KCNIP1: variants seen among roughly 807,000 people sequenced by gnomAD.
KCNIP1 encodes potassium voltage-gated channel interacting protein 1, also known as A-type potassium channel modulatory protein KCNIP1.
A neutral mutation model predicts 33.0 loss-of-function variants in KCNIP1; 18 were observed. The observed-to-expected ratio is 0.55, with a 90% CI of 0.38 to 0.81. KCNIP1 has a LOEUF of 0.81. KCNIP1 is among the 30% of genes least tolerant of loss of function. The pLI is 0.00. For synonymous variants in KCNIP1, 93 were observed against 98.3 expected, an observed-to-expected ratio of 0.95 and a Z score of 0.32; for missense variants, 238 against 271.6, an observed-to-expected ratio of 0.88 and a Z score of 0.87.
chr5:170,471,239 G>T (rs527814939), intron 1 of KCNIP1, among the ~76,000 whole-genome samples: 206 of 152,280 alleles, frequency 1.4e-3, no homozygotes, highest in Admixed American at 4.2e-3. Flanking sequence ...GGGTGCTCTA[G>T]AATCTGTATG....
At chr5:170,397,857 G>GTTCA (rs1205566189) in intron 1 of KCNIP1, among the ~76,000 whole-genome samples, 1 of 152,206 alleles carries the variant, frequency 6.6e-6, no homozygotes, top group Non-Finnish European at 1.5e-5. Flanking sequence ...AGATGGCTTG[G>GTTCA]TTCAGTCCAG....
chr5:170,620,178 TAG>T (rs1759548568), intron 1 of KCNIP1, among the ~76,000 whole-genome samples: 1 of 152,186 alleles, frequency 6.6e-6, no homozygotes, highest in African/African-American at 2.4e-5. Context: ...CCCTTGTCCC[TAG>T]AGAGCCTTGT....
Position 170,523,654 on chromosome 5 carries a change from G to A in KCNIP1, c.61+19021G>A, listed in dbSNP as rs531772161. 2.0e-5 allele frequency among the ~76,000 whole-genome samples: 3 copies of A among 152,172 alleles called. No homozygotes were observed. The East Asian group carries it at 5.8e-4, about 29-fold the overall frequency. ...ACCTAATCCCTCTTCTTTACTCCCT[G>A]CACGTGTCACCTCCCTGGGACAATC... On this transcript the variant is annotated intron_variant, in intron 1 of 7. Transcript: ENST00000328939.
At chr5:170,406,833 A>G (rs1439487403) in intron 1 of KCNIP1, among the ~76,000 whole-genome samples, 1 of 152,198 alleles carries the variant, frequency 6.6e-6, no homozygotes, top group Non-Finnish European at 1.5e-5. Flanking sequence ...GTCCAAGGCC[A>G]GGCAGGAGGC....
At chr5:170,707,045 G>A (rs1215118224) in intron 1 of KCNIP1, among the ~76,000 whole-genome samples, 1 of 151,890 alleles carries the variant, frequency 6.6e-6, no homozygotes, top group Non-Finnish European at 1.5e-5. Flanking sequence ...ACCTGAATTA[G>A]ATGAGAAAGA....
intron 1 of KCNIP1, among the ~76,000 whole-genome samples, chr5:170,553,942 G>A (rs1756749170): frequency 6.6e-6 from 1 of 152,192 alleles, no homozygotes; most frequent in East Asian, 1.9e-4. Flanking sequence ...CATACAGGTG[G>A]ACAAGGCAGA....
intron 1 of KCNIP1, chr5:170,378,604 G>A: frequency 8.2e-7 from 1 of 1,224,098 alleles, no homozygotes; most frequent in South Asian, 1.5e-5. Flanking sequence ...AAGAGTGGGA[G>A]GGCAGGTGGA....
At chr5:170,547,219 G>A (rs190098817) in intron 1 of KCNIP1, among the ~76,000 whole-genome samples, 1 of 152,162 alleles carries the variant, frequency 6.6e-6, no homozygotes. Context: ...TCATCTTCTG[G>A]AATTGTTCTT....
intron 1 of KCNIP1, among the ~76,000 whole-genome samples, chr5:170,450,117 C>T (rs1041962838): frequency 2.0e-5 from 3 of 148,194 alleles, no homozygotes; most frequent in African/African-American, 7.5e-5. Flanking sequence ...GCCCGACCCC[C>T]CACCCCACCC....
At chr5:170,722,393 T>C (rs1205092307) in intron 4 of KCNIP1, among the ~76,000 whole-genome samples, 1 of 152,074 alleles carries the variant, frequency 6.6e-6, no homozygotes, top group Admixed American at 6.6e-5. Context: ...CCTCAGCCAC[T>C]AGACCATACG....
chr5:170,575,268 T>G (rs1430412988), intron 1 of KCNIP1, among the ~76,000 whole-genome samples: 1 of 152,254 alleles, frequency 6.6e-6, no homozygotes, highest in Non-Finnish European at 1.5e-5. Context: ...ATTTTATACC[T>G]AAGTTTTATG....
At chr5:170,435,177 C>G (rs1349619812) in intron 1 of KCNIP1, among the ~76,000 whole-genome samples, 3 of 152,210 alleles carry the variant, frequency 2.0e-5, no homozygotes, top group African/African-American at 7.2e-5. Context: ...TGGTGCCCAG[C>G]AGAGGGCAGC....
chr5:170,569,135 G>T (rs1757308104), intron 1 of KCNIP1, among the ~76,000 whole-genome samples: 1 of 152,194 alleles, frequency 6.6e-6, no homozygotes, highest in Non-Finnish European at 1.5e-5. Flanking sequence ...GCCTCCAGGG[G>T]TCCTGGGGTG....
At chr5:170,423,621 G>A (rs370265868) in intron 1 of KCNIP1, among the ~76,000 whole-genome samples, 33 of 152,122 alleles carry the variant, frequency 2.2e-4, no homozygotes, top group East Asian at 1.9e-4. Context: ...AGCCAGCCTC[G>A]AGGATCCCCA....
At chr5:170,728,473 A>G (rs1036868303) in intron 5 of KCNIP1, among the ~76,000 whole-genome samples, 2 of 152,240 alleles carry the variant, frequency 1.3e-5, no homozygotes. Flanking sequence ...AGAACTTTTA[A>G]AAAGCTGGCA....
chr5:170,493,540 A>T (rs1227769591), intron 1 of KCNIP1, among the ~76,000 whole-genome samples: 1 of 152,140 alleles, frequency 6.6e-6, no homozygotes, highest in African/African-American at 2.4e-5. Context: ...CTTTCTCCAA[A>T]GTCCCTCCAG....
chr5:170,437,377 C>T (rs1017805252), intron 1 of KCNIP1, among the ~76,000 whole-genome samples: 1 of 152,194 alleles, frequency 6.6e-6, no homozygotes, highest in Non-Finnish European at 1.5e-5. Flanking sequence ...ACAGTGTGTC[C>T]TGAACTCCCT....
At chr5:170,603,748 G>A (rs989990040) in intron 1 of KCNIP1, among the ~76,000 whole-genome samples, 1 of 152,196 alleles carries the variant, frequency 6.6e-6, no homozygotes, top group African/African-American at 2.4e-5. Flanking sequence ...TCACCATGTG[G>A]TTGGGCCAGG....
At chr5:170,735,726 AG>A (rs966628582) in intron 7 of KCNIP1, 32 bp from the exon 8 acceptor site, 1 of 1,599,492 alleles carries the variant, frequency 6.3e-7, no homozygotes, top group African/African-American at 1.3e-5. Context: ...GGAGACTCAG[AG>A]TTCTAACCCT....
Sources: allele counts gnomAD v4.1 joint callset (sites outside exome capture counted in the v4.1 genomes callset), GRCh38; gene constraint gnomAD v4.1.1; transcripts MANE v1.5; gene names NCBI Gene and HGNC (gene_info 2026-07-23, HGNC 2026-07-21).